Variants in ZNF804B observed in about 807,000 individuals in gnomAD.
ZNF804B encodes zinc finger 804B.
A neutral mutation model predicts 101.4 loss-of-function variants in ZNF804B; 80 were observed. The observed-to-expected ratio is 0.79, with a 90% CI of 0.66 to 0.95. ZNF804B has a LOEUF of 0.95. Ranked by LOEUF, ZNF804B falls within the 40% of genes least tolerant of loss-of-function variation. ZNF804B has a pLI of 0.00. For missense variants in ZNF804B, 1,673 were observed against 1,561.9 expected (o/e 1.07, Z -1.20); for synonymous variants, 622 against 558.8 (o/e 1.11, Z -1.59).
chr7:88,791,231 C>T (rs1249230910), intron 1 of ZNF804B, among the ~76,000 whole-genome samples: 1 of 151,922 alleles, frequency 6.6e-6, no homozygotes, highest in Non-Finnish European at 1.5e-5. Context: ...CCAAAGGGTC[C>T]CAAAATGTTT....
intron 2 of ZNF804B, among the ~76,000 whole-genome samples, chr7:89,279,072 T>C (rs1416457955): frequency 6.6e-6 from 1 of 152,154 alleles, no homozygotes; most frequent in Non-Finnish European, 1.5e-5. Flanking sequence ...TTCACATCCC[T>C]TGTAAGGTGG....
At chr7:88,875,263 A>G (rs897263714) in intron 1 of ZNF804B, among the ~76,000 whole-genome samples, 17 of 150,876 alleles carry the variant, frequency 1.1e-4, no homozygotes, top group African/African-American at 3.4e-4. Context: ...GAAAAGCAAG[A>G]GCAAACACAT....
chr7:89,169,888 C>T lies in ZNF804B; in HGVS notation c.109-48267C>T, dbSNP rs569138778. On this transcript the variant is annotated intron_variant, in intron 1 of 3. Transcript: ENST00000333190. Reference sequence around the variant, plus strand: ...AGGATGGTATACCTGTCACCTCATCCGAGCTCTAGATACTATGGTTTACAG... The same window carrying T: ...AGGATGGTATACCTGTCACCTCATCTGAGCTCTAGATACTATGGTTTACAG... Among the ~76,000 whole-genome samples the T allele has an allele frequency of 6.6e-5, 10 of 152,142 alleles. No homozygotes were observed. The South Asian group carries it at 1.0e-3, about 16-fold the overall frequency.
chr7:89,238,814 G>C (rs1222121597), intron 2 of ZNF804B, among the ~76,000 whole-genome samples: 1 of 152,172 alleles, frequency 6.6e-6, no homozygotes, highest in Non-Finnish European at 1.5e-5. Context: ...AGTGGAGTTA[G>C]GGCTGTTAGG....
chr7:88,999,681 A>C (rs1788256166), intron 1 of ZNF804B, among the ~76,000 whole-genome samples: 1 of 152,034 alleles, frequency 6.6e-6, no homozygotes, highest in Non-Finnish European at 1.5e-5. Flanking sequence ...ACAGAGTATT[A>C]ATGAGCCAGC....
intron 1 of ZNF804B, among the ~76,000 whole-genome samples, chr7:89,124,034 T>G (rs775499548): frequency 6.6e-6 from 1 of 152,144 alleles, no homozygotes; most frequent in Non-Finnish European, 1.5e-5. Context: ...AGGAACCACG[T>G]TGAATTGTGC....
Position 89,333,762 on chromosome 7 carries a change from A to C in ZNF804B, c.780A>C (p.Ala260=). The C allele has an allele frequency of 6.2e-7, 1 of 1,613,390 alleles. No homozygotes were observed. Among genetic ancestry groups the C allele is most frequent in the Non-Finnish European group, 8.5e-7 (1 of 1,179,766 alleles). Residue 260 remains alanine, a synonymous_variant, in exon 4 of 4, where the codon GCA becomes GCC. Coordinates refer to ENST00000333190, the MANE Select transcript of ZNF804B (RefSeq NM_181646.5). The part of the protein sequence containing the change: ...KSPIYKTKQT[A]DKCKCCRFAN... ...CCATTTATAAAACAAAACAAACTGC[A>C]GATAAGTGCAAGTGCTGCAGGTTTG...
intron 1 of ZNF804B, among the ~76,000 whole-genome samples, chr7:89,084,235 G>C (rs1789739902): frequency 6.6e-6 from 1 of 151,916 alleles, no homozygotes; most frequent in Admixed American, 6.6e-5. Context: ...TCTGTTGCCA[G>C]TCTCAGGGAG....
chr7:88,918,853 G>A (rs940726898), intron 1 of ZNF804B, among the ~76,000 whole-genome samples: 2 of 152,102 alleles, frequency 1.3e-5, no homozygotes, highest in Non-Finnish European at 2.9e-5. Flanking sequence ...ATACACATAT[G>A]TTTGTGATAA....
At chr7:89,309,134 C>G (rs1408896707) in intron 2 of ZNF804B, among the ~76,000 whole-genome samples, 1 of 152,020 alleles carries the variant, frequency 6.6e-6, no homozygotes, top group Non-Finnish European at 1.5e-5. Flanking sequence ...AACCCTTGCC[C>G]CCTTCCCTTC....
At chr7:88,845,991 G>T (rs778830580) in intron 1 of ZNF804B, among the ~76,000 whole-genome samples, 1 of 152,176 alleles carries the variant, frequency 6.6e-6, no homozygotes, top group East Asian at 1.9e-4. Flanking sequence ...CAACATAGAA[G>T]TCTGAGATCT....
intron 1 of ZNF804B, among the ~76,000 whole-genome samples, chr7:88,828,629 G>A (rs1791082999): frequency 6.6e-6 from 1 of 151,984 alleles, no homozygotes; most frequent in South Asian, 2.1e-4. Context: ...ATTATAAATT[G>A]GTAGCTTGAA....
intron 1 of ZNF804B, among the ~76,000 whole-genome samples, chr7:88,899,704 C>T (rs1187697056): frequency 6.6e-6 from 1 of 152,180 alleles, no homozygotes; most frequent in African/African-American, 2.4e-5. Flanking sequence ...TTATTCAAGA[C>T]AAGGTCCTCT....
At chr7:89,272,625 C>A (rs62472177) in intron 2 of ZNF804B, among the ~76,000 whole-genome samples, 18,546 of 152,062 alleles carry the variant, frequency 0.12, 1,213 homozygotes, top group Middle Eastern at 0.26. Context: ...TTTCCCGCTA[C>A]CCCTTTATGT....
At chr7:89,296,034 C>T (rs1790377028) in intron 2 of ZNF804B, among the ~76,000 whole-genome samples, 1 of 152,038 alleles carries the variant, frequency 6.6e-6, no homozygotes, top group African/African-American at 2.4e-5. Context: ...TAAAAAACTA[C>T]ACATTAGATA....
chr7:89,088,162 C>T (rs1192003915), intron 1 of ZNF804B, among the ~76,000 whole-genome samples: 1 of 151,964 alleles, frequency 6.6e-6, no homozygotes, highest in Admixed American at 6.6e-5. Context: ...GTGTTCTGTT[C>T]TGATTCTCTA....
At chr7:89,135,195 C>G (rs1383962847) in intron 1 of ZNF804B, among the ~76,000 whole-genome samples, 1 of 152,050 alleles carries the variant, frequency 6.6e-6, no homozygotes, top group East Asian at 1.9e-4. Context: ...TGTTAATCAC[C>G]AAGATACTTT....
chr7:89,271,434 A>G (rs1789892474), intron 2 of ZNF804B, among the ~76,000 whole-genome samples: 1 of 152,144 alleles, frequency 6.6e-6, no homozygotes, highest in South Asian at 2.1e-4. Flanking sequence ...ATCATGGTGG[A>G]TAAGCTTTTT....
intron 1 of ZNF804B, among the ~76,000 whole-genome samples, chr7:88,805,646 T>C (rs1481847962): frequency 6.6e-6 from 1 of 152,150 alleles, no homozygotes; most frequent in Non-Finnish European, 1.5e-5. Context: ...TATAAAAGGG[T>C]GATGAAGTAG....
Sources: allele counts gnomAD v4.1 joint callset (sites outside exome capture counted in the v4.1 genomes callset), GRCh38; gene constraint gnomAD v4.1.1; transcripts MANE v1.5; gene names NCBI Gene and HGNC (gene_info 2026-07-23, HGNC 2026-07-21).